KLHDC1: variants seen among roughly 807,000 people sequenced by gnomAD.
KLHDC1 encodes the protein kelch domain containing 1, also known as kelch domain-containing protein 1.
In KLHDC1, 53 loss-of-function variants were observed where a neutral mutation model predicts 68.3. The observed-to-expected ratio is 0.78, with a 90% CI of 0.62 to 0.98. The LOEUF (loss-of-function observed/expected upper bound fraction) is 0.98. Among genes scored for constraint, KLHDC1 ranks in the 50% least tolerant of loss-of-function variants. KLHDC1 has a pLI of 0.00. For synonymous variants in KLHDC1, 148 were observed against 159.0 expected, an observed-to-expected ratio of 0.93 and a Z score of 0.52; for missense variants, 470 against 492.3, an observed-to-expected ratio of 0.95 and a Z score of 0.43.
chr14:49,728,349 GA>G (rs1296775471), intron 6 of KLHDC1, among the ~76,000 whole-genome samples: 5 of 152,142 alleles, frequency 3.3e-5, no homozygotes, highest in Non-Finnish European at 7.4e-5. Flanking sequence ...CTTCTCTAAA[GA>G]AAAGGTCTGC....
chr14:49,722,738 C>T (rs1183035388), intron 4 of KLHDC1, among the ~76,000 whole-genome samples: 1 of 152,184 alleles, frequency 6.6e-6, no homozygotes, highest in Non-Finnish European at 1.5e-5. Flanking sequence ...AAAAGCAAGT[C>T]TCACATGGCA....
Position 49,693,140 on chromosome 14 carries a change from C to T in KLHDC1, c.-55C>T. On this transcript the variant is annotated 5_prime_UTR_variant, in exon 1 of 13. Coordinates refer to ENST00000359332, the MANE Select transcript of KLHDC1 (RefSeq NM_172193.3). ...GGAGCAGTCGGGGCTGGAGGCGAGG[C>T]CGCCGGGCGGGCAGGGGTTGTGGCG... 6.7e-7 allele frequency: 1 copy of T among 1,482,526 alleles called. No homozygotes were observed. The highest frequency in any genetic ancestry group is 1.2e-5 in the South Asian group (1 of 82,166). 91.8% of individuals were successfully genotyped at this position (1,482,526 alleles called of 1,614,324 possible). A position where few individuals can be genotyped will look rare whatever the true frequency, so the allele number is the denominator to read the frequency against.
chr14:49,743,826 C>G (rs776117584), intron 12 of KLHDC1, 21 bp downstream of exon 12: 15 of 1,366,168 alleles, frequency 1.1e-5, no homozygotes, highest in Non-Finnish European at 1.5e-5. Context: ...TTAATATTTT[C>G]TATATATTTG....
chr14:49,704,298 C>G (rs1453816282), intron 1 of KLHDC1, among the ~76,000 whole-genome samples: 1 of 148,850 alleles, frequency 6.7e-6, no homozygotes, highest in Non-Finnish European at 1.5e-5. Context: ...CTTTTTTTAA[C>G]TAATTTATAC....
chr14:49,731,464 A>G (rs1888806759), intron 8 of KLHDC1, among the ~76,000 whole-genome samples: 1 of 151,612 alleles, frequency 6.6e-6, no homozygotes, highest in South Asian at 2.1e-4. Context: ...TTTTTATTTT[A>G]TTTTATTTAT....
At chr14:49,703,932 A>G (rs1887975371) in intron 1 of KLHDC1, among the ~76,000 whole-genome samples, 1 of 152,194 alleles carries the variant, frequency 6.6e-6, no homozygotes. Context: ...TTCCTATTGT[A>G]TATTCACAAG....
At chr14:49,701,747 AC>A (rs1887912428) in intron 1 of KLHDC1, among the ~76,000 whole-genome samples, 1 of 152,168 alleles carries the variant, frequency 6.6e-6, no homozygotes, top group Admixed American at 6.5e-5. Context: ...AATATTTGTA[AC>A]CAGGGTCGGG....
intron 6 of KLHDC1, among the ~76,000 whole-genome samples, chr14:49,727,832 T>C (rs1445198875): frequency 6.6e-6 from 1 of 152,196 alleles, no homozygotes; most frequent in East Asian, 1.9e-4. Flanking sequence ...GAAGTTATGA[T>C]ATTGGATGCA....
intron 5 of KLHDC1, 79 bp from the exon 6 acceptor site, chr14:49,725,607 C>T (rs1888650511): frequency 2.6e-6 from 2 of 782,566 alleles, no homozygotes; most frequent in Non-Finnish European, 4.1e-6. Context: ...GTTATTTTAC[C>T]AGTAAATATG....
At chr14:49,734,493 G>C (rs975260945) in intron 9 of KLHDC1, 96 bp from the exon 10 acceptor site, 13 of 642,768 alleles carry the variant, frequency 2.0e-5, no homozygotes, top group Non-Finnish European at 3.4e-5. Flanking sequence ...ACTCAGAAAA[G>C]ATAGTCATTT....
At chr14:49,748,774 G>GTA (rs1019404765) in intron 12 of KLHDC1, among the ~76,000 whole-genome samples, 14 of 150,702 alleles carry the variant, frequency 9.3e-5, no homozygotes, top group Middle Eastern at 6.9e-3. Context: ...GTATATATAT[G>GTA]TATATATATA....
intron 4 of KLHDC1, among the ~76,000 whole-genome samples, chr14:49,715,757 A>ATATAT (rs1206512681): frequency 4.0e-5 from 5 of 123,610 alleles, no homozygotes; most frequent in African/African-American, 1.6e-4. Context: ...AAAAAAAAAA[A>ATATAT]AAAAAAAAAT....
At chr14:49,709,563 A>G in intron 2 of KLHDC1, 146 bp from the exon 3 acceptor site, 1 of 465,574 alleles carries the variant, frequency 2.1e-6, no homozygotes, top group South Asian at 5.2e-5. Context: ...GGATCTTCTT[A>G]GAGTTTTTAC....
At chr14:49,741,595 C>T (rs562424060) in intron 11 of KLHDC1, among the ~76,000 whole-genome samples, 5 of 152,216 alleles carry the variant, frequency 3.3e-5, no homozygotes, top group East Asian at 3.9e-4. Flanking sequence ...GCATCAGCAC[C>T]GTGCCTGGCC....
intron 4 of KLHDC1, among the ~76,000 whole-genome samples, chr14:49,722,851 C>T (rs1888564738): frequency 6.6e-6 from 1 of 152,046 alleles, no homozygotes; most frequent in Non-Finnish European, 1.5e-5. Context: ...CTTTGGGAGG[C>T]CGAGGTGGGC....
At position 49,714,297 on chromosome 14, in the gene KLHDC1, C is replaced by A. The variant is rs572692384; in HGVS notation, c.404+3916C>A. Among the ~76,000 whole-genome samples, 61 of 151,126 alleles carry A rather than the reference C, an allele frequency of 4.0e-4. No homozygotes were observed. The East Asian group carries it at 9.9e-3, about 25-fold the overall frequency. On this transcript the variant is annotated intron_variant, in intron 4 of 12. Transcript: ENST00000359332. ...GACCAGCCTGGCCAGCATAGTGAAACCCTGTCTCTACTAAAAATACAAAAA... is the reference window on the plus strand; with the variant it reads ...GACCAGCCTGGCCAGCATAGTGAAAACCTGTCTCTACTAAAAATACAAAAA...
chr14:49,734,761 A>G, intron 10 of KLHDC1, 100 bp downstream of exon 10: 1 of 476,394 alleles, frequency 2.1e-6, no homozygotes, highest in Middle Eastern at 5.8e-4. Context: ...ACCATAAGCC[A>G]TTGAGAAGGA....
At chr14:49,737,816 G>C (rs941442804) in intron 10 of KLHDC1, among the ~76,000 whole-genome samples, 88 of 135,954 alleles carry the variant, frequency 6.5e-4, no homozygotes, top group Admixed American at 1.6e-4. Flanking sequence ...AGGAACCAGA[G>C]ATTGTGCCAC....
At chr14:49,710,439 G>C in intron 4 of KLHDC1, 58 bp downstream of exon 4, 1 of 899,710 alleles carries the variant, frequency 1.1e-6, no homozygotes, top group Non-Finnish European at 1.8e-6. Context: ...TAATAGCTTT[G>C]GCTAAAATAC....
Sources: allele counts gnomAD v4.1 joint callset (sites outside exome capture counted in the v4.1 genomes callset), GRCh38; gene constraint gnomAD v4.1.1; transcripts MANE v1.5; gene names NCBI Gene and HGNC (gene_info 2026-07-23, HGNC 2026-07-21).